Variants in SLC25A46 observed in about 807,000 individuals in gnomAD.
SLC25A46 encodes the protein mitochondrial outer membrane protein SLC25A46.
Under a neutral mutation model 44.6 loss-of-function variants are expected in SLC25A46, and 39 were observed. That is an observed-to-expected ratio of 0.87 (90% CI 0.68 to 1.14). The LOEUF (loss-of-function observed/expected upper bound fraction) is 1.14, where lower values mean the gene tolerates loss of function less well. SLC25A46 is among the 50% of genes most tolerant of loss of function. SLC25A46 has a pLI of 0.00. For synonymous variants in SLC25A46, 202 were observed against 185.8 expected, an observed-to-expected ratio of 1.09 and a Z score of -0.71; for missense variants, 547 against 522.7, an observed-to-expected ratio of 1.05 and a Z score of -0.45.
At chr5:110,758,935 A>T (rs1397064422) in intron 7 of SLC25A46, among the ~76,000 whole-genome samples, 3 of 152,206 alleles carry the variant, frequency 2.0e-5, no homozygotes, top group Non-Finnish European at 2.9e-5. Context: ...CCCTAAAATC[A>T]ACTTCAGACT....
chr5:110,754,519 C>T (rs1240322360), intron 5 of SLC25A46: 1 of 149,854 alleles, frequency 6.7e-6, no homozygotes. Flanking sequence ...CCCTCCCTTC[C>T]TTCTTTCTTT....
chr5:110,758,963 A>G (rs1800180506), intron 7 of SLC25A46, among the ~76,000 whole-genome samples: 1 of 152,182 alleles, frequency 6.6e-6, no homozygotes, highest in African/African-American at 2.4e-5. Context: ...ATAGTTTTAA[A>G]CCAAGGTTTT....
chr5:110,738,339 G>A, upstream of SLC25A46: 1 of 934,426 alleles, frequency 1.1e-6, no homozygotes, highest in Non-Finnish European at 1.4e-6. Flanking sequence ...TACCCTGAGT[G>A]ATTTAGACAC....
At chr5:110,756,191 G>A (rs907113010) in intron 6 of SLC25A46, 1 of 150,196 alleles carries the variant, frequency 6.7e-6, no homozygotes, top group Non-Finnish European at 1.5e-5. Flanking sequence ...ATATTACTAT[G>A]TCTAAATATT....
Position 110,761,676 on chromosome 5 carries a change from G to T in SLC25A46, c.1151G>T (p.Gly384Val). The T allele has an allele frequency of 6.2e-7, 1 of 1,613,486 alleles. No homozygotes were observed. Among genetic ancestry groups the T allele is most frequent in the Non-Finnish European group, 8.5e-7 (1 of 1,179,676 alleles). The change falls in exon 8 of 8, where the codon GGT (glycine) becomes GTT (valine). Residue 384 changes from glycine (G) to valine (V), a missense_variant. By Grantham distance (109) the Gly-to-Val change is moderately radical. Transcript: ENST00000355943. The surrounding 1 kb of genome is among the most constrained non-coding windows in gnomAD (Gnocchi z 5.3). ...NTIRQEEGVF[G>V]FYKGFGAVII... ...ATAAGGCAGGAGGAAGGAGTGTTTG[G>T]TTTTTATAAAGGGTTTGGTGCTGTT...
chr5:110,757,885 G>C (rs925226599), intron 7 of SLC25A46, among the ~76,000 whole-genome samples: 10 of 152,058 alleles, frequency 6.6e-5, no homozygotes, highest in Non-Finnish European at 1.3e-4. Flanking sequence ...ACATTTCTCT[G>C]CTTAAATTAG....
At position 110,756,686 on chromosome 5, in the gene SLC25A46, G is replaced by A; in HGVS notation, c.621-16G>A. 1 of 1,553,090 alleles carries A rather than the reference G, an allele frequency of 6.4e-7. No individual in the cohort carries two copies. The highest frequency in any genetic ancestry group is 8.7e-7 in the Non-Finnish European group (1 of 1,154,552). ...CTTGTTTCAGTATACTGATAAATTT[G>A]TTTTAATTTCTATAGCCTAACTTAC... On this transcript the variant is annotated splice_polypyrimidine_tract_variant and intron_variant, in intron 6 of 7. Transcript: ENST00000355943.
At chr5:110,758,671 A>G (rs933705267) in intron 7 of SLC25A46, among the ~76,000 whole-genome samples, 17 of 152,050 alleles carry the variant, frequency 1.1e-4, no homozygotes, top group African/African-American at 4.1e-4. Flanking sequence ...TGTCCCAGCT[A>G]TTCAGGAGGC....
intron 4 of SLC25A46, among the ~76,000 whole-genome samples, chr5:110,746,986 A>C (rs564977700): frequency 2.6e-5 from 4 of 152,186 alleles, no homozygotes; most frequent in African/African-American, 9.6e-5. Flanking sequence ...AGAACTGCAC[A>C]CTACTAGATC....
chr5:110,760,095 A>C (rs1800212771), intron 7 of SLC25A46, among the ~76,000 whole-genome samples: 1 of 151,992 alleles, frequency 6.6e-6, no homozygotes, highest in Non-Finnish European at 1.5e-5. Context: ...TGAACTCTTG[A>C]TCTTCACCAA....
At chr5:110,754,396 T>C (rs1184848292) in intron 5 of SLC25A46, 3 of 151,266 alleles carry the variant, frequency 2.0e-5, no homozygotes, top group Non-Finnish European at 4.4e-5. Flanking sequence ...TCTTTTTTTT[T>C]CTTTTCTTTT....
At chr5:110,743,265 C>T (rs914426861) in intron 2 of SLC25A46, among the ~76,000 whole-genome samples, 1 of 151,970 alleles carries the variant, frequency 6.6e-6, no homozygotes, top group African/African-American at 2.4e-5. Flanking sequence ...TAAATTTATA[C>T]TTAAACCTTA....
rs4957918 is a variant in SLC25A46, at chr5:110,757,973, C to G, written c.678+1214C>G. ...TTGTGAATAGTATTTTAATAACTGA[C>G]GTGTAACATTGAATGAGTTATTTAT... On this transcript the variant is annotated intron_variant, in intron 7 of 7. Transcript: ENST00000355943. Among the ~76,000 whole-genome samples the G allele has an allele frequency of 3.3e-3, 502 of 152,090 alleles. 4 individuals are homozygous for G. Among genetic ancestry groups the G allele is most frequent in the African/African-American group, 0.012 (478 of 41,488 alleles).
Position 110,743,801 on chromosome 5 carries a change from C to G in SLC25A46, c.384+14C>G. The G allele has an allele frequency of 1.3e-6, 2 of 1,598,536 alleles. No individual in the cohort carries two copies. The highest frequency in any genetic ancestry group is 2.2e-5 in the South Asian group (2 of 89,516). On this transcript the variant is annotated intron_variant, in intron 3 of 7. Transcript: ENST00000355943. ...CGCCAATGTCAGGTAAATGTAATTT[C>G]TGTGATCTTTTGAAGCAATACTTCT...
At chr5:110,747,842 T>C (rs1027223145) in intron 4 of SLC25A46, among the ~76,000 whole-genome samples, 2 of 152,076 alleles carry the variant, frequency 1.3e-5, no homozygotes, top group African/African-American at 2.4e-5. Context: ...TGAGTGAGTA[T>C]GATTGGGTTA....
intron 5 of SLC25A46, among the ~76,000 whole-genome samples, chr5:110,752,272 T>C (rs1266221049): frequency 6.6e-6 from 1 of 152,160 alleles, no homozygotes; most frequent in Non-Finnish European, 1.5e-5. Context: ...TAACAAATTA[T>C]ATATTAGCCA....
At position 110,741,982 on chromosome 5, in the gene SLC25A46, C is replaced by A. The variant is rs878916584; in HGVS notation, c.284-65C>A. 8 of 1,137,732 alleles carry A rather than the reference C, an allele frequency of 7.0e-6. No homozygotes were observed. In the South Asian group the frequency reaches 8.6e-5, roughly 12 times the overall value. 70.5% of individuals were successfully genotyped at this position (1,137,732 alleles called of 1,614,324 possible). The stretch of plus-strand genomic sequence containing the variant: ...TTTTTAAAATTGTTTTGAGACTAAA[C>A]CTAAATTGTCAGTAATTGGTTATCA... On this transcript the variant is annotated intron_variant, in intron 1 of 7. Coordinates refer to ENST00000355943, the MANE Select transcript of SLC25A46 (RefSeq NM_138773.4).
At chr5:110,738,270 A>G (rs1415301137), upstream of SLC25A46, 1 of 1,275,966 alleles carries the variant, frequency 7.8e-7, no homozygotes, top group Non-Finnish European at 1.0e-6. Context: ...GCTCTACAGT[A>G]GTCCTCTCAG....
In SLC25A46 at chr5:110,746,300, C is replaced by T. The variant is rs202123515; in HGVS notation, c.416C>T (p.Thr139Ile). The change falls in exon 4 of 8, where the codon ACT (threonine) becomes ATT (isoleucine). Residue 139 changes from threonine (T) to isoleucine (I), a missense_variant. By Grantham distance (89) the Thr-to-Ile change is moderately conservative. Transcript: ENST00000355943. ...VNYHAQHYHL[T>I]PFTVINIMYS... ...TACCATGCTCAGCATTACCATCTCACTCCATTTACAGTCATCAATATTATG... is the reference window on the plus strand; with the variant it reads ...TACCATGCTCAGCATTACCATCTCATTCCATTTACAGTCATCAATATTATG... 6.3e-7 allele frequency: 1 copy of T among 1,589,632 alleles called. No individual in the cohort carries two copies. The highest frequency in any genetic ancestry group is 8.5e-7 in the Non-Finnish European group (1 of 1,172,008).
Sources: allele counts gnomAD v4.1 joint callset (sites outside exome capture counted in the v4.1 genomes callset), GRCh38; gene constraint gnomAD v4.1.1; non-coding constraint Gnocchi (gnomAD v3.1); transcripts MANE v1.5; gene names NCBI Gene and HGNC (gene_info 2026-07-23, HGNC 2026-07-21).